TNK1: variants seen among roughly 807,000 people sequenced by gnomAD.
The protein encoded by TNK1 is non-receptor tyrosine-protein kinase TNK1.
TNK1 carries 53 observed loss-of-function variants against 65.2 expected under a neutral mutation model. The ratio of observed to expected loss-of-function variants is 0.81; its 90% confidence interval spans 0.65 to 1.02. The LOEUF (loss-of-function observed/expected upper bound fraction) is 1.02, where lower values mean the gene tolerates loss of function less well. Ranked by LOEUF, TNK1 falls within the 50% of genes least tolerant of loss-of-function variation. The pLI is 0.00. For missense variants in TNK1, 837 were observed against 878.4 expected (o/e 0.95, Z 0.60); for synonymous variants, 353 against 364.6 (o/e 0.97, Z 0.36).
In TNK1 at chr17:7,384,014, G is replaced by A. The variant is rs897873517; in HGVS notation, c.627G>A (p.Thr209=). 2.0e-6 allele frequency: 3 copies of A among 1,498,856 alleles called. No individual in the cohort carries two copies. In the African/African-American group the frequency reaches 4.2e-5, roughly 21 times the overall value. 92.8% of individuals were successfully genotyped at this position (1,498,856 alleles called of 1,614,324 possible). The change falls in exon 6 of 13, where the codon ACG becomes ACA. Residue 209 remains threonine, a synonymous_variant. Coordinates refer to ENST00000688331, the MANE Select transcript of TNK1 (RefSeq NM_003985.6). ...APLGSLHARL[T]APAPTPPLLV... Reference sequence around the variant, plus strand: ...TGGGCTCCCTGCACGCGCGCCTAACGGCCCCGGCCCCGACACCCCCGCTGC... The same window carrying A: ...TGGGCTCCCTGCACGCGCGCCTAACAGCCCCGGCCCCGACACCCCCGCTGC...
At position 7,388,959 on chromosome 17, in the gene TNK1, C is replaced by T. The variant is rs1567649334; in HGVS notation, c.1873-12C>T. On this transcript the variant is annotated splice_polypyrimidine_tract_variant and intron_variant, in intron 12 of 12. Coordinates refer to ENST00000688331, the MANE Select transcript of TNK1 (RefSeq NM_003985.6). The surrounding 1 kb of genome is among the most constrained non-coding windows in gnomAD (Gnocchi z 4.5). ...TGGCAGTCAGCTGCAACCCACCCTC[C>T]TGCTTCCACAGGTAGATCAGCTCTT... 1.9e-6 allele frequency: 3 copies of T among 1,554,374 alleles called. No individual in the cohort carries two copies. The highest frequency in any genetic ancestry group is 2.6e-6 in the Non-Finnish European group (3 of 1,148,336).
chr17:7,387,039 G>A lies in TNK1; in HGVS notation c.1282G>A (p.Gly428Ser), dbSNP rs775297078. The A allele has an allele frequency of 4.4e-6, 7 of 1,606,506 alleles. No individual in the cohort carries two copies. The highest frequency in any genetic ancestry group is 5.9e-6 in the Non-Finnish European group (7 of 1,176,676). ...KGQNGRTFKV[G>S]SFPASAVTLA... ...CCAGAATGGTCGCACCTTCAAAGTG[G>A]GCAGCTTCCCAGCCTCGGCAGTGAC... The change falls in exon 9 of 13, where the codon GGC (glycine) becomes AGC (serine). Residue 428 changes from glycine (G) to serine (S), a missense_variant. Physicochemically the swap from Gly to Ser is moderately conservative, Grantham distance 56. Transcript: ENST00000688331.
At chr17:7,380,115 C>T (rs1258058870), upstream of TNK1, among the ~76,000 whole-genome samples, 1 of 152,162 alleles carries the variant, frequency 6.6e-6, no homozygotes, top group Non-Finnish European at 1.5e-5. Context: ...CTCCCTTACC[C>T]CACATTATAA....
chr17:7,385,114 C>T (rs149991078), intron 7 of TNK1, among the ~76,000 whole-genome samples: 21,818 of 152,108 alleles, frequency 0.14, 1,734 homozygotes, highest in East Asian at 0.26. Context: ...TCTCTAATCC[C>T]AGCACTTTGG....
intron 7 of TNK1, 147 bp from the exon 8 acceptor site, chr17:7,386,414 C>G (rs762569326): frequency 1.6e-6 from 1 of 627,082 alleles, no homozygotes; most frequent in Non-Finnish European, 2.8e-6. Context: ...GCCTCCCTCA[C>G]TGAATTACAA....
In TNK1 at chr17:7,388,603, C is replaced by T. The variant is rs1246673049; in HGVS notation, c.1675C>T (p.Pro559Ser). Residue 559 changes from proline (P) to serine (S), a missense_variant, in exon 11 of 13, where the codon CCC (proline) becomes TCC (serine). Transcript: ENST00000688331. This position sits in a 1 kb window ranked among gnomAD's most constrained non-coding sequence, Gnocchi z 4.5. ...GAGGCTTCCCTGGCCCAAAAGAAAA[C>T]CCCCACACAATCACCCCATGGGAAT... Reference protein sequence around the residue: ...RERLPWPKRKPPHNHPMGMPG... With the variant: ...RERLPWPKRKSPHNHPMGMPG... The T allele has an allele frequency of 6.2e-7, 1 of 1,613,992 alleles. No individual in the cohort carries two copies. Among genetic ancestry groups the T allele is most frequent in the Non-Finnish European group, 8.5e-7 (1 of 1,179,892 alleles).
chr17:7,384,234 C>T lies in TNK1; in HGVS notation c.847C>T (p.Arg283Cys), dbSNP rs535894895. The change falls in exon 6 of 13, where the codon CGC becomes TGC. Residue 283 changes from arginine (R) to cysteine (C), a missense_variant. Arg to Cys is a radical substitution (Grantham distance 180). Coordinates refer to ENST00000688331, the MANE Select transcript of TNK1 (RefSeq NM_003985.6). ...ARGRYVMGGP[R>C]PIPYAWCAPE... ...GGGCCGCTACGTCATGGGCGGGCCC[C>T]GCCCTATCCCCTACGCCTGGTGAGA... 1 of 1,494,514 alleles carries T rather than the reference C, an allele frequency of 6.7e-7. No homozygotes were observed. 92.6% of individuals were successfully genotyped at this position (1,494,514 alleles called of 1,614,324 possible).
intron 7 of TNK1, 141 bp from the exon 8 acceptor site, chr17:7,386,420 T>G (rs1597682740): frequency 1.6e-6 from 1 of 635,818 alleles, no homozygotes; most frequent in East Asian, 2.8e-5. Context: ...CTCACTGAAT[T>G]ACAATGGGGG....
Position 7,384,264 on chromosome 17 carries a change from G to C in TNK1, c.866+11G>C, listed in dbSNP as rs1905043796. The C allele has an allele frequency of 1.4e-6, 2 of 1,448,182 alleles. No homozygotes were observed. The highest frequency in any genetic ancestry group is 5.5e-5 in the Admixed American group (2 of 36,040). The allele number at this position is 1,448,182 out of a possible 1,614,324, so 89.7% of individuals were successfully genotyped here. On this transcript the variant is annotated intron_variant, in intron 6 of 12. Coordinates refer to ENST00000688331, the MANE Select transcript of TNK1 (RefSeq NM_003985.6). ...TATCCCCTACGCCTGGTGAGAGCGGGTCCGCGGGCGGTCGGGCTCTGAGCC... is the reference window on the plus strand; with the variant it reads ...TATCCCCTACGCCTGGTGAGAGCGGCTCCGCGGGCGGTCGGGCTCTGAGCC...
Position 7,383,575 on chromosome 17 carries a change from G to T in TNK1, c.385G>T (p.Val129Leu), listed in dbSNP as rs759351798. The stretch of plus-strand genomic sequence containing the variant: ...GCTGCTGGGTTCAGGCTGCTTCGGT[G>T]TGGTGCACCGAGGGCTGTGGACGCT... The part of the protein sequence containing the change: ...GELLGSGCFG[V>L]VHRGLWTLPS... Residue 129 changes from valine (V) to leucine (L), a missense_variant, in exon 4 of 13, where the codon GTG (valine) becomes TTG (leucine). Physicochemically the swap from Val to Leu is conservative, Grantham distance 32. Coordinates refer to ENST00000688331, the MANE Select transcript of TNK1 (RefSeq NM_003985.6). The T allele has an allele frequency of 1.2e-6, 2 of 1,611,420 alleles. No individual in the cohort carries two copies. The highest frequency in any genetic ancestry group is 1.7e-6 in the Non-Finnish European group (2 of 1,178,558).
intron 7 of TNK1, among the ~76,000 whole-genome samples, chr17:7,385,152 G>A (rs1225165767): frequency 6.6e-6 from 1 of 152,110 alleles, no homozygotes; most frequent in Non-Finnish European, 1.5e-5. Flanking sequence ...ATCACCTGAG[G>A]TCGGGAGTTC....
chr17:7,384,105 G>C lies in TNK1; in HGVS notation c.718G>C (p.Gly240Arg). The change falls in exon 6 of 13, where the codon GGG becomes CGG. Residue 240 changes from glycine to arginine, a missense_variant. By Grantham distance (125) the Gly-to-Arg change is moderately radical. Coordinates refer to ENST00000688331, the MANE Select transcript of TNK1 (RefSeq NM_003985.6). Reference sequence around the variant, plus strand: ...AGCCATGGCGTACCTGGGGGCCCGCGGGCTGGTGCACCGAGACCTCGCTAC... The same window carrying C: ...AGCCATGGCGTACCTGGGGGCCCGCCGGCTGGTGCACCGAGACCTCGCTAC... Reference protein sequence around the residue: ...AGAMAYLGARGLVHRDLATRN... With the variant: ...AGAMAYLGARRLVHRDLATRN... 6.5e-7 allele frequency: 1 copy of C among 1,546,792 alleles called. No individual in the cohort carries two copies. The highest frequency in any genetic ancestry group is 1.4e-5 in the African/African-American group (1 of 73,204).
chr17:7,386,974 G>A lies in TNK1; in HGVS notation c.1233-16G>A, dbSNP rs1905211290. 2 of 1,535,326 alleles carry A rather than the reference G, an allele frequency of 1.3e-6. No individual in the cohort carries two copies. Among genetic ancestry groups the A allele is most frequent in the African/African-American group, 2.7e-5 (2 of 72,732 alleles). On this transcript the variant is annotated splice_polypyrimidine_tract_variant and intron_variant, in intron 8 of 12. Coordinates refer to ENST00000688331, the MANE Select transcript of TNK1 (RefSeq NM_003985.6). ...GCCCTTATTCCCATCCTATTTACCA[G>A]CTCCTCTTTCCACAGCCCCGACTCC... is the stretch of plus-strand genomic sequence containing the variant.
intron 7 of TNK1, among the ~76,000 whole-genome samples, chr17:7,385,500 C>T (rs1480101219): frequency 6.6e-6 from 1 of 152,156 alleles, no homozygotes; most frequent in African/African-American, 2.4e-5. Flanking sequence ...GCACTGTGCA[C>T]TTTACATGGG....
Position 7,387,145 on chromosome 17 carries a change from G to A in TNK1, c.1388G>A (p.Ser463Asn), listed in dbSNP as rs1387059487. The A allele has an allele frequency of 2.5e-6, 4 of 1,586,576 alleles. No homozygotes were observed. The East Asian group carries it at 9.0e-5, about 36-fold the overall frequency. Residue 463 changes from serine to asparagine, a missense_variant, in exon 9 of 13, where the codon AGC becomes AAC. Coordinates refer to ENST00000688331, the MANE Select transcript of TNK1 (RefSeq NM_003985.6). Reference sequence around the variant, plus strand: ...GCCCGGGGAGATCAACACCCAGGAAGCATAGATGGGTGAGGACCTGAAAGG... The same window carrying A: ...GCCCGGGGAGATCAACACCCAGGAAACATAGATGGGTGAGGACCTGAAAGG... ...TPARGDQHPG[S>N]IDGDRKKANL...
chr17:7,389,437 G>A lies in TNK1; in HGVS notation c.*353G>A, dbSNP rs577011882. 109 of 438,506 alleles carry A rather than the reference G, an allele frequency of 2.5e-4. No homozygotes were observed. Among genetic ancestry groups the A allele is most frequent in the African/African-American group, 2.1e-3 (104 of 49,990 alleles). 27.2% of individuals were successfully genotyped at this position (438,506 alleles called of 1,614,324 possible). On this transcript the variant is annotated 3_prime_UTR_variant, in exon 13 of 13. Coordinates refer to ENST00000688331, the MANE Select transcript of TNK1 (RefSeq NM_003985.6). ...TAGAGAGGATCAAGGGGCCACACTGGACCATGTGAACAGCCATCCTGAACT... is the reference window on the plus strand; with the variant it reads ...TAGAGAGGATCAAGGGGCCACACTGAACCATGTGAACAGCCATCCTGAACT...
At position 7,389,191 on chromosome 17, in the gene TNK1, G is replaced by A. The variant is rs1383981599; in HGVS notation, c.*107G>A. ...GAACAAGGTCCCGACAGGGGTAGAC[G>A]TTCCACCTGGGGAGATCCCACCTGC... On this transcript the variant is annotated 3_prime_UTR_variant, in exon 13 of 13. Transcript: ENST00000688331. 5 of 899,834 alleles carry A rather than the reference G, an allele frequency of 5.6e-6. No homozygotes were observed. The highest frequency in any genetic ancestry group is 2.7e-5 in the East Asian group (1 of 37,614). The allele number at this position is 899,834 out of a possible 1,614,324, so 55.7% of individuals were successfully genotyped here. A position where few individuals can be genotyped will look rare whatever the true frequency, so the allele number is the denominator to read the frequency against.
Position 7,384,526 on chromosome 17 carries a change from C to T in TNK1, c.909C>T (p.Ala303=). ...TGCGCCACGGAGCCTTCTCGTCTGC[C>T]TCGGACGTGTGGATGTTTGGGGTGA... is the stretch of plus-strand genomic sequence containing the variant. ...ESLRHGAFSS[A]SDVWMFGVTL... is the part of the protein sequence containing the mutation. The change falls in exon 7 of 13, where the codon GCC becomes GCT. Residue 303 remains alanine (A), a synonymous_variant. Transcript: ENST00000688331. 6.3e-7 allele frequency: 1 copy of T among 1,599,688 alleles called. No homozygotes were observed. Among genetic ancestry groups the T allele is most frequent in the Admixed American group, 1.7e-5 (1 of 59,184 alleles).
At position 7,382,333 on chromosome 17, in the gene TNK1, T is replaced by C. The variant is rs1351970633; in HGVS notation, c.-91-503T>C. On this transcript the variant is annotated intron_variant, in intron 1 of 12. Coordinates refer to ENST00000688331, the MANE Select transcript of TNK1 (RefSeq NM_003985.6). The surrounding 1 kb of genome is among the most constrained non-coding windows in gnomAD (Gnocchi z 4.1). ...ATGTTTTGCAGTATATCTGTAGGTCTCAGTGTGTGTGTGTGGCAGCATGTG... is the reference window on the plus strand; with the variant it reads ...ATGTTTTGCAGTATATCTGTAGGTCCCAGTGTGTGTGTGTGGCAGCATGTG... 6.6e-6 allele frequency among the ~76,000 whole-genome samples: 1 copy of C among 151,710 alleles called. No individual in the cohort carries two copies. The highest frequency in any genetic ancestry group is 2.4e-5 in the African/African-American group (1 of 41,272).
Sources: gnomAD v4.1 joint callset for allele counts (sites outside exome capture counted in the v4.1 genomes callset) on GRCh38, gnomAD v4.1.1 for gene constraint, Gnocchi (gnomAD v3.1) non-coding constraint, MANE v1.5 for transcripts, NCBI Gene and HGNC (gene_info 2026-07-23, HGNC 2026-07-21) for gene names.